LARGE1: variants seen among roughly 807,000 people sequenced by gnomAD.
LARGE1 encodes xylosyl- and glucuronyltransferase LARGE1.
In LARGE1, 43 loss-of-function variants were observed where a neutral mutation model predicts 87.6. That is an observed-to-expected ratio of 0.49 (90% CI 0.38 to 0.63). The LOEUF is 0.63. Ranked by LOEUF, LARGE1 falls within the 30% of genes least tolerant of loss-of-function variation. LARGE1 has a pLI of 0.00. For missense variants in LARGE1, 802 were observed against 1,000.2 expected (o/e 0.80, Z 2.67); for synonymous variants, 434 against 394.6 (o/e 1.10, Z -1.18).
chr22:33,359,614 A>T (rs961880511), intron 9 of LARGE1, among the ~76,000 whole-genome samples: 20 of 129,452 alleles, frequency 1.5e-4, no homozygotes, highest in Non-Finnish European at 6.2e-5. Context: ...CCAAGGCTGG[A>T]GCTCAGTGGC....
At chr22:33,840,608 G>A (rs929928843) in intron 1 of LARGE1, among the ~76,000 whole-genome samples, 1 of 151,698 alleles carries the variant, frequency 6.6e-6, no homozygotes, top group Admixed American at 6.6e-5. Flanking sequence ...CATCTTTACA[G>A]CAACCCTAGA....
At chr22:33,817,341 T>C (rs1216099629) in intron 1 of LARGE1, among the ~76,000 whole-genome samples, 3 of 152,128 alleles carry the variant, frequency 2.0e-5, no homozygotes, top group Admixed American at 6.5e-5. Flanking sequence ...TCTAAGCCCT[T>C]TGCATATATA....
At chr22:33,475,639 T>C (rs1008952971) in intron 6 of LARGE1, among the ~76,000 whole-genome samples, 1 of 151,894 alleles carries the variant, frequency 6.6e-6, no homozygotes, top group African/African-American at 2.4e-5. Flanking sequence ...TTTTTTGTAT[T>C]TTTAGTAGAG....
At chr22:33,290,102 T>C (rs1357216780) in intron 12 of LARGE1, among the ~76,000 whole-genome samples, 1 of 152,144 alleles carries the variant, frequency 6.6e-6, no homozygotes, top group Non-Finnish European at 1.5e-5. Context: ...TACGGTGGCA[T>C]GGAATTACCA....
chr22:33,630,614 T>G (rs1042053116), intron 3 of LARGE1, among the ~76,000 whole-genome samples: 1 of 152,166 alleles, frequency 6.6e-6, no homozygotes, highest in Non-Finnish European at 1.5e-5. Context: ...ATGGTACACC[T>G]GTATAGGATA....
chr22:33,120,356 C>CTT, the LARGE1 span, among the ~76,000 whole-genome samples: 3 of 86,480 alleles, frequency 3.5e-5, no homozygotes, highest in Admixed American at 2.2e-4. Context: ...TCTTTTCTTT[C>CTT]TTTTTCTTTC....
At chr22:33,167,213 G>T (rs559537464) in intron 11 of LARGE1, among the ~76,000 whole-genome samples, 7 of 152,214 alleles carry the variant, frequency 4.6e-5, no homozygotes, top group African/African-American at 1.4e-4. Flanking sequence ...AGGGGACCAG[G>T]AAAGTTCTCA....
At chr22:33,184,312 T>C (rs117865857) in intron 11 of LARGE1, among the ~76,000 whole-genome samples, 3,321 of 151,338 alleles carry the variant, frequency 0.022, 62 homozygotes, top group Admixed American at 0.047. Context: ...GCTGAAAATA[T>C]TTGGAAGCTA....
intron 1 of LARGE1, among the ~76,000 whole-genome samples, chr22:33,846,205 G>A (rs1212778974): frequency 6.6e-6 from 1 of 152,194 alleles, no homozygotes; most frequent in East Asian, 1.9e-4. Context: ...TGAAGCCATG[G>A]CAGAAGAATG....
chr22:33,833,247 G>T (rs547320776), intron 1 of LARGE1, among the ~76,000 whole-genome samples: 28 of 152,182 alleles, frequency 1.8e-4, no homozygotes, highest in Non-Finnish European at 3.7e-4. Flanking sequence ...TCAAACCAGT[G>T]ACCCTCGGTT....
chr22:33,919,773 C>T (rs1273669145), intron 1 of LARGE1, among the ~76,000 whole-genome samples: 1 of 152,204 alleles, frequency 6.6e-6, no homozygotes, highest in Non-Finnish European at 1.5e-5. Context: ...AGCCTGTGTG[C>T]CCAGAAGCCG....
chr22:33,293,703 C>T (rs868618891), intron 12 of LARGE1, among the ~76,000 whole-genome samples: 6 of 152,280 alleles, frequency 3.9e-5, no homozygotes, highest in Middle Eastern at 3.4e-3. Context: ...GCAGATTCCA[C>T]CTTGAATGAG....
At chr22:33,465,203 A>G (rs568007584) in intron 6 of LARGE1, among the ~76,000 whole-genome samples, 10 of 152,364 alleles carry the variant, frequency 6.6e-5, no homozygotes, top group African/African-American at 2.4e-4. Flanking sequence ...AAGTCACAGA[A>G]GTATTAATAT....
At chr22:33,501,243 G>A (rs1260352318) in intron 6 of LARGE1, among the ~76,000 whole-genome samples, 1 of 152,214 alleles carries the variant, frequency 6.6e-6, no homozygotes, top group Non-Finnish European at 1.5e-5. Context: ...ATCTGTAAAA[G>A]TTTATTATGT....
At chr22:33,191,296 C>G (rs989732404) in intron 11 of LARGE1, among the ~76,000 whole-genome samples, 1 of 152,088 alleles carries the variant, frequency 6.6e-6, no homozygotes, top group African/African-American at 2.4e-5. Flanking sequence ...AGAATTTAAA[C>G]AGCAGTTCCT....
intron 2 of LARGE1, among the ~76,000 whole-genome samples, chr22:33,742,747 T>A (rs1353437037): frequency 6.6e-6 from 1 of 152,242 alleles, no homozygotes; most frequent in Non-Finnish European, 1.5e-5. Flanking sequence ...ACTGGAAATT[T>A]TAAAAAGGCA....
chr22:33,774,457 A>G (rs1241200507), intron 1 of LARGE1, among the ~76,000 whole-genome samples: 7 of 152,110 alleles, frequency 4.6e-5, no homozygotes. Flanking sequence ...CCCGGGTTGA[A>G]GCAATTCTCC....
At chr22:33,768,042 G>C (rs1277223957) in intron 1 of LARGE1, among the ~76,000 whole-genome samples, 1 of 152,264 alleles carries the variant, frequency 6.6e-6, no homozygotes, top group Non-Finnish European at 1.5e-5. Flanking sequence ...GGGCGTGGTG[G>C]CTGACGCCTG....
chr22:33,353,850 C>T (rs1440394171), intron 9 of LARGE1, among the ~76,000 whole-genome samples: 1 of 152,224 alleles, frequency 6.6e-6, no homozygotes, highest in African/African-American at 2.4e-5. Context: ...AATTCCTTGA[C>T]TCCATCATTG....
Sources: allele counts gnomAD v4.1 joint callset (sites outside exome capture counted in the v4.1 genomes callset), GRCh38; gene constraint gnomAD v4.1.1; transcripts MANE v1.5; gene names NCBI Gene and HGNC (gene_info 2026-07-23, HGNC 2026-07-21).